Variants in HERC3 observed in about 807,000 individuals in gnomAD.
HERC3 encodes HECT and RLD domain containing E3 ubiquitin protein ligase 3.
Under a neutral mutation model 129.9 loss-of-function variants are expected in HERC3, and 58 were observed. The ratio of observed to expected loss-of-function variants is 0.45; its 90% CI spans 0.36 to 0.56. HERC3 has a LOEUF of 0.56. Ranked by LOEUF, HERC3 falls within the 20% of genes least tolerant of loss-of-function variation. The pLI, the probability that HERC3 is intolerant of heterozygous loss-of-function variation, is 0.00. For missense variants in HERC3, 835 were observed against 1,244.2 expected (o/e 0.67, Z 4.95); for synonymous variants, 430 against 451.0 (o/e 0.95, Z 0.59).
At chr4:88,552,042 C>A in the HERC3 span, among the ~76,000 whole-genome samples, 3 of 151,204 alleles carry the variant, frequency 2.0e-5, no homozygotes, top group Non-Finnish European at 4.4e-5. Flanking sequence ...GGACAAAAAA[C>A]CAAATACCGC....
intron 13 of HERC3, 141 bp from the exon 14 acceptor site, chr4:88,667,751 C>A: frequency 1.5e-6 from 1 of 672,814 alleles, no homozygotes; most frequent in Non-Finnish European, 2.5e-6. Flanking sequence ...GGGCCTAGAC[C>A]AGTGTCAGGC....
chr4:88,604,311 G>A (rs531999110), intron 2 of HERC3, among the ~76,000 whole-genome samples: 11 of 152,318 alleles, frequency 7.2e-5, no homozygotes, highest in African/African-American at 2.2e-4. Flanking sequence ...GAGCCACTAC[G>A]CCTGGCCTAA....
At chr4:88,704,963 T>G (rs1040947864) in intron 25 of HERC3, among the ~76,000 whole-genome samples, 1 of 151,192 alleles carries the variant, frequency 6.6e-6, no homozygotes, top group Non-Finnish European at 1.5e-5. Context: ...TGGATTCAAG[T>G]GATTCTCATG....
At chr4:88,668,376 G>A (rs972224297) in intron 14 of HERC3, among the ~76,000 whole-genome samples, 4 of 151,978 alleles carry the variant, frequency 2.6e-5, no homozygotes, top group African/African-American at 9.7e-5. Flanking sequence ...CATTTGCTCA[G>A]TACCTCAGTA....
intron 10 of HERC3, 103 bp from the exon 11 acceptor site, chr4:88,662,328 A>G: frequency 8.5e-7 from 1 of 1,179,154 alleles, no homozygotes; most frequent in Non-Finnish European, 1.2e-6. Flanking sequence ...CAGCATTTAG[A>G]TCATAAGTGA....
At chr4:88,627,931 C>CT (rs1726310933) in intron 3 of HERC3, among the ~76,000 whole-genome samples, 1 of 144,040 alleles carries the variant, frequency 6.9e-6, no homozygotes, top group African/African-American at 2.5e-5. Flanking sequence ...AAAAAGAAAA[C>CT]TTATCTGAGA....
At chr4:88,630,487 C>G (rs942288513) in intron 3 of HERC3, among the ~76,000 whole-genome samples, 1 of 152,090 alleles carries the variant, frequency 6.6e-6, no homozygotes, top group Non-Finnish European at 1.5e-5. Context: ...ATGAAACTGC[C>G]TTCCTGGAGC....
At chr4:88,636,732 A>G (rs1727450696) in intron 3 of HERC3, among the ~76,000 whole-genome samples, 1 of 152,240 alleles carries the variant, frequency 6.6e-6, no homozygotes, top group African/African-American at 2.4e-5. Flanking sequence ...AATTGACCAC[A>G]TAATTGGAAG....
At chr4:88,628,360 GCT>G (rs1726361932) in intron 3 of HERC3, among the ~76,000 whole-genome samples, 1 of 152,004 alleles carries the variant, frequency 6.6e-6, no homozygotes, top group Non-Finnish European at 1.5e-5. Context: ...AATAACTTTA[GCT>G]TTCTCTTGAT....
the HERC3 span, among the ~76,000 whole-genome samples, chr4:88,548,557 T>C: frequency 1.3e-5 from 2 of 152,182 alleles, no homozygotes; most frequent in Non-Finnish European, 2.9e-5. Context: ...TGTCTTTTTA[T>C]TATTGAGTTC....
At chr4:88,634,925 G>GA in intron 3 of HERC3, among the ~76,000 whole-genome samples, 1 of 152,216 alleles carries the variant, frequency 6.6e-6, no homozygotes, top group South Asian at 2.1e-4. Flanking sequence ...AGAGGGACCT[G>GA]ACTATTGAAA....
intron 12 of HERC3, among the ~76,000 whole-genome samples, chr4:88,665,091 C>T (rs1022454500): frequency 2.6e-5 from 4 of 152,126 alleles, no homozygotes; most frequent in African/African-American, 7.2e-5. Context: ...CCCTACCCCT[C>T]GAGCCCTGTG....
At chr4:88,579,267 T>C in the HERC3 span, among the ~76,000 whole-genome samples, 1 of 147,600 alleles carries the variant, frequency 6.8e-6, no homozygotes, top group South Asian at 2.1e-4. Context: ...GTTAGCCAGG[T>C]GTGGTGGCAC....
Position 88,695,177 on chromosome 4 carries a change from T to G in HERC3, c.2657+7878T>G, listed in dbSNP as rs116298954. Among the ~76,000 whole-genome samples the G allele has an allele frequency of 3.2e-3, 480 of 152,308 alleles. 4 individuals are homozygous for G. Among genetic ancestry groups the G allele is most frequent in the African/African-American group, 0.011 (457 of 41,576 alleles). On this transcript the variant is annotated intron_variant, in intron 23 of 25. Coordinates refer to ENST00000402738, the MANE Select transcript of HERC3 (RefSeq NM_014606.3). The stretch of plus-strand genomic sequence containing the variant: ...TCAGAACTTTGTATGTAACGTATTA[T>G]TCTGATTTTCTCTTTTGGTTGGCCT...
chr4:88,670,645 G>T (rs1468589121), intron 16 of HERC3, among the ~76,000 whole-genome samples: 1 of 143,288 alleles, frequency 7.0e-6, no homozygotes, highest in East Asian at 2.2e-4. Context: ...ACACCAGTGT[G>T]ACTATACTTA....
chr4:88,613,600 C>G (rs904721783), intron 3 of HERC3, among the ~76,000 whole-genome samples: 1 of 152,222 alleles, frequency 6.6e-6, no homozygotes, highest in Non-Finnish European at 1.5e-5. Flanking sequence ...TTAATCAGCT[C>G]TTGCTGAAAA....
chr4:88,698,140 C>T (rs1425821501), intron 23 of HERC3, among the ~76,000 whole-genome samples: 1 of 152,162 alleles, frequency 6.6e-6, no homozygotes, highest in Admixed American at 6.5e-5. Flanking sequence ...CCGTGTGCTC[C>T]TCACCCCCAT....
upstream of HERC3, among the ~76,000 whole-genome samples, chr4:88,592,268 C>G (rs1293371875): frequency 3.3e-5 from 5 of 151,846 alleles, no homozygotes; most frequent in African/African-American, 1.2e-4. Context: ...CCGCGCCGGG[C>G]CCTCGAGTCC....
chr4:88,693,323 A>G (rs1347990230), intron 23 of HERC3: 6 of 969,264 alleles, frequency 6.2e-6, no homozygotes, highest in Non-Finnish European at 7.4e-6. Flanking sequence ...AATGTATAAC[A>G]TTTGAATTTG....
Sources: allele counts gnomAD v4.1 joint callset (sites outside exome capture counted in the v4.1 genomes callset), GRCh38; gene constraint gnomAD v4.1.1; transcripts MANE v1.5; gene names NCBI Gene and HGNC (gene_info 2026-07-23, HGNC 2026-07-21).